The following TENM1 variants were observed in gnomAD, a reference collection of about 807,000 sequenced individuals.
TENM1 encodes the protein teneurin transmembrane protein 1.
Under a neutral mutation model 174.8 loss-of-function variants are expected in TENM1, and 35 were observed. The ratio of observed to expected loss-of-function variants is 0.20; its 90% CI spans 0.15 to 0.27. TENM1 has a LOEUF of 0.27. Ranked by LOEUF, TENM1 falls within the 10% of genes least tolerant of loss-of-function variation. TENM1 has a pLI of 1.00. For missense variants in TENM1, 1,633 were observed against 2,130.1 expected (o/e 0.77, Z 4.59); for synonymous variants, 781 against 798.7 (o/e 0.98, Z 0.37).
the TENM1 span, among the ~76,000 whole-genome samples, chrX:125,151,637 G>T: frequency 8.9e-6 from 1 of 112,066 alleles, no homozygotes; most frequent in South Asian, 3.7e-4. Flanking sequence ...AAAAATGATT[G>T]TATCTTTTCA....
At position 124,550,782 on chromosome X, in the gene TENM1, G is replaced by A. The variant is rs59324620; in HGVS notation, c.2435-3692C>T. On this transcript the variant is annotated intron_variant, in intron 14 of 31. Coordinates refer to ENST00000422452, the Ensembl canonical transcript of TENM1. Reference sequence around the variant, plus strand: ...CTCTATTTTTTTTTTTTTTTGAGACGGACTTTTGCTCTGTCGCCCAGGCTG... The same window carrying A: ...CTCTATTTTTTTTTTTTTTTGAGACAGACTTTTGCTCTGTCGCCCAGGCTG... Among the ~76,000 whole-genome samples, 758 of 106,476 alleles carry A rather than the reference G, an allele frequency of 7.1e-3. 7 individuals carry two copies. The highest frequency in any genetic ancestry group is 0.025 in the African/African-American group (716 of 28,941). 92.5% of individuals were successfully genotyped at this position (106,476 alleles called of 115,157 possible).
rs151071335 is a variant in TENM1 at position 124,455,514 on chromosome X, G to A, written c.3950-2023C>T. 4.0e-3 allele frequency among the ~76,000 whole-genome samples: 448 copies of A among 111,143 alleles called. 3 individuals carry two copies. Among genetic ancestry groups the A allele is most frequent in the African/African-American group, 0.014 (428 of 30,617 alleles). On this transcript the variant is annotated intron_variant, in intron 22 of 31. Coordinates refer to ENST00000422452, the Ensembl canonical transcript of TENM1. ...TTCTATGACCACTATATTAAATATC[G>A]CTGAGTATAAAATTTCAAATTTGGC...
the TENM1 span, among the ~76,000 whole-genome samples, chrX:125,107,185 G>A: frequency 1.3e-4 from 15 of 111,997 alleles, no homozygotes; most frequent in South Asian, 1.9e-3. Context: ...ACAATACTCC[G>A]GTTTTATTCA....
chrX:124,754,130 G>T (rs977129401), intron 3 of TENM1, among the ~76,000 whole-genome samples: 2 of 111,341 alleles, frequency 1.8e-5, no homozygotes, highest in African/African-American at 6.5e-5. Context: ...GACTCTTTTC[G>T]TTGGTAAGCT....
At position 124,937,175 on chromosome X, in the gene TENM1, T is replaced by C. The variant is rs147945806; in HGVS notation, c.217+26362A>G. ...TTTATTTACTCATTTATTCAACAAATGATATAATAATAGAAAATCAATAAT... is the reference window on the plus strand; with the variant it reads ...TTTATTTACTCATTTATTCAACAAACGATATAATAATAGAAAATCAATAAT... On this transcript the variant is annotated intron_variant, in intron 1 of 31. Transcript: ENST00000422452. 5.3e-3 allele frequency among the ~76,000 whole-genome samples: 594 copies of C among 111,719 alleles called. 5 individuals carry two copies. Among genetic ancestry groups the C allele is most frequent in the African/African-American group, 0.019 (572 of 30,741 alleles).
At chrX:124,723,603 G>GTTTTTTT in intron 4 of TENM1, among the ~76,000 whole-genome samples, 1 of 74,938 alleles carries the variant, frequency 1.3e-5, no homozygotes, top group Non-Finnish European at 2.5e-5. Flanking sequence ...TTTTTTTTTT[G>GTTTTTTT]TTTTTTTTTT....
the TENM1 span, among the ~76,000 whole-genome samples, chrX:124,999,942 A>G: frequency 9.0e-6 from 1 of 111,638 alleles, no homozygotes; most frequent in African/African-American, 3.2e-5. Flanking sequence ...ACAGATGAGC[A>G]GATTTTCTGG....
At chrX:124,571,810 A>AT (rs1374560406) in intron 11 of TENM1, among the ~76,000 whole-genome samples, 1 of 111,481 alleles carries the variant, frequency 9.0e-6, no homozygotes, top group Non-Finnish European at 1.9e-5. Context: ...TTACAGGTGT[A>AT]TTTTGTCAAA....
intron 25 of TENM1, among the ~76,000 whole-genome samples, chrX:124,415,157 G>A (rs2060580088): frequency 8.9e-6 from 1 of 112,061 alleles, no homozygotes; most frequent in African/African-American, 3.2e-5. Flanking sequence ...GAGGACAAAA[G>A]TGAAAAAAGT....
intron 21 of TENM1, among the ~76,000 whole-genome samples, chrX:124,485,108 A>G (rs1184519420): frequency 2.7e-5 from 3 of 111,998 alleles, no homozygotes; most frequent in African/African-American, 9.7e-5. Context: ...ATTTGTAATT[A>G]TATTTGCCCT....
At chrX:124,636,393 C>G (rs765999615) in intron 11 of TENM1, among the ~76,000 whole-genome samples, 1 of 111,712 alleles carries the variant, frequency 9.0e-6, no homozygotes, top group African/African-American at 3.3e-5. Context: ...TATTAGGAAG[C>G]CTTTTGCCTG....
chrX:124,887,313 A>C (rs1390590121), intron 3 of TENM1, among the ~76,000 whole-genome samples: 1 of 111,296 alleles, frequency 9.0e-6, no homozygotes, highest in Non-Finnish European at 1.9e-5. Flanking sequence ...ATATGGGGAA[A>C]TATCCAAGAT....
rs182940874 is a variant in TENM1, at chrX:124,885,440, A to G, written c.535+8856T>C. Among the ~76,000 whole-genome samples the G allele has an allele frequency of 6.3e-5, 7 of 111,176 alleles. No individual in the cohort carries two copies. The Admixed American group carries it at 6.7e-4, about 11-fold the overall frequency. Reference sequence around the variant, plus strand: ...TTTTTGCTCTAGTGAAATACTGGAAATGTTAATATTCAAAAATAGTGTATA... The same window carrying G: ...TTTTTGCTCTAGTGAAATACTGGAAGTGTTAATATTCAAAAATAGTGTATA... On this transcript the variant is annotated intron_variant, in intron 3 of 31. Coordinates refer to ENST00000422452, the Ensembl canonical transcript of TENM1.
At chrX:124,402,435 C>T (rs2060410749) in intron 27 of TENM1, among the ~76,000 whole-genome samples, 1 of 111,818 alleles carries the variant, frequency 8.9e-6, no homozygotes, top group Non-Finnish European at 1.9e-5. Context: ...GCCACAGGAT[C>T]GGAAATGGGT....
Position 124,943,060 on chromosome X carries a change from G to A in TENM1, c.217+20477C>T, listed in dbSNP as rs1257304245. Among the ~76,000 whole-genome samples the A allele has an allele frequency of 2.7e-5, 3 of 111,354 alleles. No homozygotes were observed. The East Asian group carries it at 8.5e-4, about 31-fold the overall frequency. ...ATTCTCTCTAGAGGCAGAAGGGAGG[G>A]CTGTACATTTCAAATTATTTTTAGG... On this transcript the variant is annotated intron_variant, in intron 1 of 31. Transcript: ENST00000422452.
intron 3 of TENM1, among the ~76,000 whole-genome samples, chrX:124,754,149 T>C (rs1203419049): frequency 1.8e-5 from 2 of 111,646 alleles, no homozygotes; most frequent in Non-Finnish European, 3.8e-5. Flanking sequence ...CTATTGATTA[T>C]TGCCACAATT....
At chrX:125,063,465 A>T in the TENM1 span, among the ~76,000 whole-genome samples, 1 of 111,854 alleles carries the variant, frequency 8.9e-6, no homozygotes, top group Non-Finnish European at 1.9e-5. Context: ...AATTTACAAG[A>T]AAAAAACAAA....
intron 11 of TENM1, among the ~76,000 whole-genome samples, chrX:124,593,199 T>G (rs2049804771): frequency 9.0e-6 from 1 of 111,643 alleles, no homozygotes; most frequent in South Asian, 3.8e-4. Flanking sequence ...GTGCTTTGAA[T>G]GCCTGGAGAT....
At chrX:124,656,445 AT>A (rs1321586913) in intron 6 of TENM1, among the ~76,000 whole-genome samples, 1 of 112,537 alleles carries the variant, frequency 8.9e-6, no homozygotes, top group Non-Finnish European at 1.9e-5. Flanking sequence ...TGAAAGCTTC[AT>A]TACAGCTAAG....
Sources: gnomAD v4.1 joint callset for allele counts (sites outside exome capture counted in the v4.1 genomes callset) on GRCh38, gnomAD v4.1.1 for gene constraint, MANE v1.5 for transcripts, NCBI Gene and HGNC (gene_info 2026-07-23, HGNC 2026-07-21) for gene names.